The following STK36 variants were observed in gnomAD, a reference collection of about 807,000 sequenced individuals.
STK36 encodes serine/threonine-protein kinase 36.
In STK36, 116 loss-of-function variants were observed where a neutral mutation model predicts 142.2. The ratio of observed to expected loss-of-function variants is 0.82; its 90% confidence interval spans 0.70 to 0.95. The LOEUF (loss-of-function observed/expected upper bound fraction) is 0.95. Ranked by LOEUF, STK36 falls within the 40% of genes least tolerant of loss-of-function variation. STK36 has a pLI of 0.00. For synonymous variants in STK36, 619 were observed against 641.7 expected, an observed-to-expected ratio of 0.96 and a Z score of 0.53; for missense variants, 1,422 against 1,617.2, an observed-to-expected ratio of 0.88 and a Z score of 2.07.
At chr2:218,701,327 A>G (rs1482333383) in intron 26 of STK36, among the ~76,000 whole-genome samples, 1 of 150,168 alleles carries the variant, frequency 6.7e-6, no homozygotes, top group Admixed American at 6.6e-5. Context: ...TTTTTAGTAG[A>G]GACGGGGTTT....
At chr2:218,679,816 A>G in intron 8 of STK36, 77 bp from the exon 9 acceptor site, 2 of 1,606,454 alleles carry the variant, frequency 1.2e-6, no homozygotes, top group South Asian at 1.1e-5. Flanking sequence ...GGGTTGGAGA[A>G]GGGCCGTGAA....
chr2:218,679,799 C>A (rs1940428588), intron 8 of STK36, 70 bp downstream of exon 8: 4 of 1,608,660 alleles, frequency 2.5e-6, no homozygotes, highest in Non-Finnish European at 8.5e-7. Context: ...AGGAGGGTGA[C>A]TTTCTAGGGT....
chr2:218,675,443 A>C lies in STK36; in HGVS notation c.404A>C (p.Lys135Thr). 1 of 1,611,810 alleles carries C rather than the reference A, an allele frequency of 6.2e-7. No individual in the cohort carries two copies. The highest frequency in any genetic ancestry group is 8.5e-7 in the Non-Finnish European group (1 of 1,179,232). Residue 135 changes from lysine to threonine, a missense_variant, in exon 5 of 27, where the codon AAG (lysine) becomes ACG (threonine). Lys to Thr is a moderately conservative substitution (Grantham distance 78). Around this residue, in one of 2 missense-constraint regions of STK36, gnomAD observed 460 missense variants for 449.6 expected, o/e 1.02. Transcript: ENST00000295709. ...AAGCCTCAGAACATCCTCCTCGCCA[A>C]GGGTGGTGGCATCAAGCTCTGTGAC... ...DMKPQNILLA[K>T]GGGIKLCDFG...
rs1941464664 is a variant in STK36, at chr2:218,702,134, A to C, written c.*125A>C. 1 of 1,203,302 alleles carries C rather than the reference A, an allele frequency of 8.3e-7. No individual in the cohort carries two copies. The allele number at this position is 1,203,302 out of a possible 1,614,324, so 74.5% of individuals were successfully genotyped here. A position where few individuals can be genotyped will look rare whatever the true frequency, so the allele number is the denominator to read the frequency against. On this transcript the variant is annotated 3_prime_UTR_variant, in exon 27 of 27. Transcript: ENST00000295709. Reference sequence around the variant, plus strand: ...AAGAGATAAGCTGCCAACTCAACTGAGAACAAGAAACTAGAAGAGATTTAT... The same window carrying C: ...AAGAGATAAGCTGCCAACTCAACTGCGAACAAGAAACTAGAAGAGATTTAT...
At position 218,693,983 on chromosome 2, in the gene STK36, G is replaced by A; in HGVS notation, c.2336G>A (p.Gly779Glu). 1 of 1,614,140 alleles carries A rather than the reference G, an allele frequency of 6.2e-7. No homozygotes were observed. The highest frequency in any genetic ancestry group is 8.5e-7 in the Non-Finnish European group (1 of 1,180,010). ...LVFRLQNLPC[G>E]MEKLGSDVAT... The stretch of plus-strand genomic sequence containing the variant: ...TTTCGGCTCCAAAACCTGCCTTGTG[G>A]GTAAGTCATAAAGTAGGGTGTCTCC... Residue 779 changes from glycine to glutamate, a missense_variant and splice_region_variant, in exon 19 of 27, where the codon GGA becomes GAA. Physicochemically the swap from Gly to Glu is moderately conservative, Grantham distance 98. Transcript: ENST00000295709.
In STK36 at chr2:218,692,283, C is replaced by T. The variant is rs1941033226; in HGVS notation, c.1905C>T (p.His635=). ...HGLTVPQLPV[H]TPQGAPQVSQ... The stretch of plus-strand genomic sequence containing the variant: ...TGACAGTTCCACAGCTCCCTGTCCA[C>T]ACTCCCCAAGGTAACCAGAGTGGAG... Residue 635 remains histidine, a synonymous_variant, in exon 15 of 27, where the codon CAC becomes CAT. Coordinates refer to ENST00000295709, the MANE Select transcript of STK36 (RefSeq NM_015690.5). 6.2e-7 allele frequency: 1 copy of T among 1,614,212 alleles called. No individual in the cohort carries two copies. The highest frequency in any genetic ancestry group is 2.2e-5 in the East Asian group (1 of 44,892).
chr2:218,679,982 C>T lies in STK36; in HGVS notation c.1038C>T (p.Ala346=). The T allele has an allele frequency of 6.2e-7, 1 of 1,614,176 alleles. No individual in the cohort carries two copies. The highest frequency in any genetic ancestry group is 8.5e-7 in the Non-Finnish European group (1 of 1,180,032). ...CAGCCCCTCTGCCCAGACTCGGGGC[C>T]ACTCCTCAGGAATCAAGCCTCCTGG... ...PGTAPLPRLG[A]TPQESSLLAG... is the part of the protein sequence containing the mutation. Residue 346 remains alanine (A), a synonymous_variant, in exon 9 of 27, where the codon GCC becomes GCT. Transcript: ENST00000295709.
At chr2:218,684,041 C>T (rs889036089) in intron 10 of STK36, among the ~76,000 whole-genome samples, 3 of 149,864 alleles carry the variant, frequency 2.0e-5, no homozygotes, top group Non-Finnish European at 3.0e-5. Context: ...TCAAGCAGTC[C>T]TCCTACCTCG....
chr2:218,692,051 C>T (rs1941020481), intron 14 of STK36, 92 bp from the exon 15 acceptor site: 4 of 1,489,572 alleles, frequency 2.7e-6, no homozygotes, highest in Admixed American at 2.2e-5. Flanking sequence ...GGTTTTTGTC[C>T]TCTTTCCTCA....
intron 12 of STK36, 150 bp from the exon 13 acceptor site, chr2:218,689,709 C>G: frequency 1.5e-6 from 1 of 647,906 alleles, no homozygotes. Context: ...CTCTGTTACC[C>G]CTAGAACTCT....
At chr2:218,700,317 C>T (rs1941396966) in intron 26 of STK36, among the ~76,000 whole-genome samples, 1 of 152,156 alleles carries the variant, frequency 6.6e-6, no homozygotes, top group South Asian at 2.1e-4. Context: ...ATTCTTGTGC[C>T]TCAGCCTCCT....
chr2:218,694,570 A>G lies in STK36; in HGVS notation c.2446A>G (p.Thr816Ala), dbSNP rs34271431. ...LLGQLGQQGV[T>A]FDLQPMEWMA... is the part of the protein sequence containing the mutation. Reference sequence around the variant, plus strand: ...GGGACAGCTTGGTCAGCAAGGGGTGACCTTTGACCTCCAGCCCATGGAATG... The same window carrying G: ...GGGACAGCTTGGTCAGCAAGGGGTGGCCTTTGACCTCCAGCCCATGGAATG... The change falls in exon 21 of 27, where the codon ACC becomes GCC. Residue 816 changes from threonine to alanine, a missense_variant. Around this residue, in one of 2 missense-constraint regions of STK36, gnomAD observed 962 missense variants for 1,167.5 expected, o/e 0.82. Coordinates refer to ENST00000295709, the MANE Select transcript of STK36 (RefSeq NM_015690.5). The surrounding 1 kb of genome is among the most constrained non-coding windows in gnomAD (Gnocchi z 4.4). 2 of 1,614,156 alleles carry G rather than the reference A, an allele frequency of 1.2e-6. No homozygotes were observed. The highest frequency in any genetic ancestry group is 4.5e-5 in the East Asian group (2 of 44,872).
intron 16 of STK36, among the ~76,000 whole-genome samples, chr2:218,692,958 C>G (rs1282731997): frequency 6.6e-6 from 1 of 152,202 alleles, no homozygotes; most frequent in East Asian, 1.9e-4. Flanking sequence ...TGATCTGAAG[C>G]CTCCAGTGAT....
chr2:218,674,608 A>G (rs1185320102), intron 4 of STK36, among the ~76,000 whole-genome samples: 1 of 152,064 alleles, frequency 6.6e-6, no homozygotes, highest in African/African-American at 2.4e-5. Context: ...TTTTAATTGA[A>G]TTTTATTTTT....
chr2:218,691,103 T>A (rs958847631), intron 14 of STK36, among the ~76,000 whole-genome samples: 4 of 152,102 alleles, frequency 2.6e-5, no homozygotes, highest in Non-Finnish European at 5.9e-5. Context: ...CTAACCTCGT[T>A]TGTCCTGAGG....
chr2:218,672,338 T>C, intron 1 of STK36, 123 bp downstream of exon 1: 1 of 346,578 alleles, frequency 2.9e-6, no homozygotes, highest in South Asian at 3.2e-5. Flanking sequence ...TCCCTTGGCC[T>C]GAGGAGCTTG....
At chr2:218,700,428 G>A (rs905633696) in intron 26 of STK36, among the ~76,000 whole-genome samples, 2 of 151,498 alleles carry the variant, frequency 1.3e-5, no homozygotes, top group African/African-American at 2.4e-5. Flanking sequence ...TTAAGATGGA[G>A]TCTCGCTCTG....
Position 218,698,948 on chromosome 2 carries a change from A to G in STK36, c.3404A>G (p.His1135Arg), listed in dbSNP as rs201218556. The change falls in exon 26 of 27, where the codon CAC becomes CGC. Residue 1135 changes from histidine to arginine, a missense_variant. By Grantham distance (29) the His-to-Arg change is conservative (BLOSUM62 0). Around this residue, in one of 2 missense-constraint regions of STK36, gnomAD observed 962 missense variants for 1,167.5 expected, o/e 0.82. Coordinates refer to ENST00000295709, the MANE Select transcript of STK36 (RefSeq NM_015690.5). ...GCACACACTTATAGGCTCCTGGGAC[A>G]CTTGCTCCAACACAGCATGGCCCTG... ...VRAHTYRLLG[H>R]LLQHSMALRG... The G allele has an allele frequency of 7.9e-5, 127 of 1,614,120 alleles. No homozygotes were observed. The highest frequency in any genetic ancestry group is 1.0e-4 in the Non-Finnish European group (122 of 1,180,018).
chr2:218,701,746 CT>C, intron 26 of STK36, 119 bp from the exon 27 acceptor site: 2 of 1,287,008 alleles, frequency 1.6e-6, no homozygotes, highest in East Asian at 2.4e-5. Flanking sequence ...AGCCCATTTC[CT>C]TTTTCTTCCT....
Sources: allele counts gnomAD v4.1 joint callset (sites outside exome capture counted in the v4.1 genomes callset), GRCh38; gene constraint gnomAD v4.1.1; regional missense constraint gnomAD v4.1.1; non-coding constraint Gnocchi (gnomAD v3.1); transcripts MANE v1.5; gene names NCBI Gene and HGNC (gene_info 2026-07-23, HGNC 2026-07-21).